Variants in FBXO42 observed in about 807,000 individuals in gnomAD.
The protein encoded by FBXO42 is F-box protein 42.
A neutral mutation model predicts 71.7 loss-of-function variants in FBXO42; 12 were observed. The ratio of observed to expected loss-of-function variants is 0.17; its 90% CI spans 0.11 to 0.27. The LOEUF (loss-of-function observed/expected upper bound fraction) is 0.27. Ranked by LOEUF, FBXO42 falls within the 10% of genes least tolerant of loss-of-function variation. The pLI is 1.00. For missense variants in FBXO42, 707 were observed against 911.9 expected (o/e 0.78, Z 2.89); for synonymous variants, 325 against 327.5 (o/e 0.99, Z 0.08).
intron 3 of FBXO42, among the ~76,000 whole-genome samples, chr1:16,305,416 G>A (rs139644239): frequency 2.6e-4 from 39 of 151,986 alleles, no homozygotes; most frequent in African/African-American, 6.5e-4. Context: ...ATTAAAAGTC[G>A]GATAAAATAC....
intron 1 of FBXO42, among the ~76,000 whole-genome samples, chr1:16,350,757 A>AAAAAAGAAAGAAAG (rs1553156683): frequency 2.0e-4 from 9 of 44,244 alleles, no homozygotes; most frequent in Non-Finnish European, 3.7e-4. Flanking sequence ...AAAAAAAAAA[A>AAAAAAGAAAGAAAG]AAAGAAAGAA....
intron 1 of FBXO42, among the ~76,000 whole-genome samples, chr1:16,344,155 A>T (rs2082633808): frequency 6.6e-6 from 1 of 151,658 alleles, no homozygotes; most frequent in Non-Finnish European, 1.5e-5. Context: ...GTGCCACCAC[A>T]CCCAGCTAAT....
chr1:16,317,227 G>T (rs950137319), intron 1 of FBXO42, among the ~76,000 whole-genome samples: 2 of 152,148 alleles, frequency 1.3e-5, no homozygotes, highest in East Asian at 1.9e-4. Flanking sequence ...AGACCAGCCT[G>T]GCCAACACAG....
intron 4 of FBXO42, among the ~76,000 whole-genome samples, chr1:16,281,644 TTTTC>T (rs1436534925): frequency 6.7e-6 from 1 of 149,864 alleles, no homozygotes; most frequent in African/African-American, 2.5e-5. Context: ...AATTTTCTTT[TTTTC>T]TTTTTCTTTT....
At chr1:16,292,566 G>C (rs1201302801) in intron 4 of FBXO42, 1 of 152,100 alleles carries the variant, frequency 6.6e-6, no homozygotes, top group Non-Finnish European at 1.5e-5. Context: ...TAAAGTGCTG[G>C]GGTTATAGGC....
At chr1:16,349,299 T>C (rs992819571) in intron 1 of FBXO42, among the ~76,000 whole-genome samples, 9 of 152,156 alleles carry the variant, frequency 5.9e-5, no homozygotes, top group South Asian at 2.1e-4. Context: ...TAACACTACA[T>C]AGCACTTAAC....
chr1:16,280,772 T>A (rs1225471074), intron 4 of FBXO42, among the ~76,000 whole-genome samples: 2 of 151,274 alleles, frequency 1.3e-5, no homozygotes, highest in Non-Finnish European at 2.9e-5. Context: ...AAACCCAGTC[T>A]CCAGAAAAAA....
At chr1:16,301,101 G>T (rs934407551) in intron 3 of FBXO42, among the ~76,000 whole-genome samples, 4 of 151,896 alleles carry the variant, frequency 2.6e-5, no homozygotes, top group African/African-American at 9.7e-5. Context: ...GTTTCACGAT[G>T]TTGGCCAGGC....
chr1:16,337,377 G>A (rs1445025170), intron 1 of FBXO42, among the ~76,000 whole-genome samples: 1 of 152,082 alleles, frequency 6.6e-6, no homozygotes, highest in Non-Finnish European at 1.5e-5. Flanking sequence ...TGTGCCAGGT[G>A]CCTTATCTCA....
chr1:16,336,057 C>T (rs2082549839), intron 1 of FBXO42, among the ~76,000 whole-genome samples: 1 of 151,682 alleles, frequency 6.6e-6, no homozygotes, highest in East Asian at 2.0e-4. Context: ...CCTGCCTCAG[C>T]CTCCTAAGTT....
chr1:16,290,728 T>C (rs1210416161), intron 4 of FBXO42, among the ~76,000 whole-genome samples: 2 of 151,742 alleles, frequency 1.3e-5, no homozygotes, highest in South Asian at 2.1e-4. Context: ...CACTCTCTGC[T>C]ACATGAAAAC....
At position 16,247,572 on chromosome 1, in the gene FBXO42, A is replaced by G. The variant is rs1411783191; in HGVS notation, c.*3098T>C. On this transcript the variant is annotated 3_prime_UTR_variant, in exon 10 of 10. Transcript: ENST00000375592. ...CTCCTCCTCCTCTTTTCTTTATTTT[A>G]AAGAGTTCCAACACAGTTCCTAGAA... is the stretch of plus-strand genomic sequence containing the variant. 1 of 152,152 alleles carries G rather than the reference A, an allele frequency of 6.6e-6. No homozygotes were observed. The highest frequency in any genetic ancestry group is 1.5e-5 in the Non-Finnish European group (1 of 68,030). The allele number at this position is 152,152 out of a possible 1,614,324, so 9.4% of individuals were successfully genotyped here.
intron 4 of FBXO42, among the ~76,000 whole-genome samples, chr1:16,281,472 GTTTT>G (rs376419524): frequency 1.5e-5 from 2 of 136,282 alleles, no homozygotes; most frequent in South Asian, 4.7e-4. Context: ...TTCTTTTTTT[GTTTT>G]TTTTTTTTTT....
In FBXO42 at chr1:16,253,023, A is replaced by G. The variant is rs921202903; in HGVS notation, c.921+73T>C. 2.2e-6 allele frequency: 3 copies of G among 1,349,216 alleles called. No homozygotes were observed. In the African/African-American group the frequency reaches 4.4e-5, roughly 20 times the overall value. The allele number at this position is 1,349,216 out of a possible 1,614,324, so 83.6% of individuals were successfully genotyped here. On this transcript the variant is annotated intron_variant, in intron 8 of 9. Coordinates refer to ENST00000375592, the MANE Select transcript of FBXO42 (RefSeq NM_018994.3). ...GGAAATAGTCTTGTATACTCCTAGA[A>G]AAGAAGACAGGGGAAACAGGTTTTG...
chr1:16,309,129 G>A (rs1249044939), intron 2 of FBXO42, among the ~76,000 whole-genome samples: 2 of 131,906 alleles, frequency 1.5e-5, no homozygotes, highest in Non-Finnish European at 3.1e-5. Flanking sequence ...GTGCTGTGGC[G>A]CGATCTTGGC....
chr1:16,343,081 CTT>C (rs1360253123), intron 1 of FBXO42, among the ~76,000 whole-genome samples: 2 of 152,140 alleles, frequency 1.3e-5, no homozygotes, highest in Non-Finnish European at 2.9e-5. Flanking sequence ...CTCAGGTATT[CTT>C]TACAGAAACA....
intron 4 of FBXO42, among the ~76,000 whole-genome samples, chr1:16,288,460 A>G (rs888130762): frequency 1.3e-5 from 2 of 150,666 alleles, no homozygotes; most frequent in Admixed American, 1.3e-4. Flanking sequence ...AAAAATAATA[A>G]TAATAATAAT....
At chr1:16,300,301 G>A (rs1159834710) in intron 3 of FBXO42, among the ~76,000 whole-genome samples, 1 of 152,066 alleles carries the variant, frequency 6.6e-6, no homozygotes, top group Non-Finnish European at 1.5e-5. Flanking sequence ...CTTAGTTTAC[G>A]ACACATACTA....
chr1:16,320,975 T>C (rs2082405935), intron 1 of FBXO42, among the ~76,000 whole-genome samples: 1 of 152,172 alleles, frequency 6.6e-6, no homozygotes, highest in African/African-American at 2.4e-5. Flanking sequence ...CTAAGGTCTG[T>C]TGCAGAACAA....
Sources: gnomAD v4.1 joint callset for allele counts (sites outside exome capture counted in the v4.1 genomes callset) on GRCh38, gnomAD v4.1.1 for gene constraint, MANE v1.5 for transcripts, NCBI Gene and HGNC (gene_info 2026-07-23, HGNC 2026-07-21) for gene names.